TMEFF1: variants seen among roughly 807,000 people sequenced by gnomAD.
The protein encoded by TMEFF1 is tomoregulin-1.
Under a neutral mutation model 47.5 loss-of-function variants are expected in TMEFF1, and 20 were observed. The observed-to-expected ratio is 0.42, with a 90% CI of 0.30 to 0.61. The LOEUF (loss-of-function observed/expected upper bound fraction) is 0.61. Ranked by LOEUF, TMEFF1 falls within the 20% of genes least tolerant of loss-of-function variation. The probability of loss-of-function intolerance (pLI) is 0.19; values close to 1 mark genes in which losing one functional copy is unlikely to be tolerated. For synonymous variants in TMEFF1, 162 were observed against 166.3 expected, an observed-to-expected ratio of 0.97 and a Z score of 0.20; for missense variants, 411 against 471.1, an observed-to-expected ratio of 0.87 and a Z score of 1.18.
At chr9:100,507,227 A>G (rs1171953530) in intron 2 of TMEFF1, among the ~76,000 whole-genome samples, 2 of 152,114 alleles carry the variant, frequency 1.3e-5, no homozygotes, top group Non-Finnish European at 2.9e-5. Context: ...TCCTTGGTGT[A>G]TATATACCAC....
intron 6 of TMEFF1, among the ~76,000 whole-genome samples, chr9:100,549,730 G>T (rs1012764950): frequency 5.9e-5 from 9 of 152,110 alleles, no homozygotes; most frequent in Admixed American, 2.0e-4. Context: ...ATATTTCCAG[G>T]GTAACAGTGG....
At chr9:100,487,634 G>A (rs1448275466) in intron 1 of TMEFF1, among the ~76,000 whole-genome samples, 1 of 152,106 alleles carries the variant, frequency 6.6e-6, no homozygotes, top group African/African-American at 2.4e-5. Flanking sequence ...GGGGTTTCTG[G>A]TTATGGTAGT....
chr9:100,527,648 G>T (rs879553515), intron 5 of TMEFF1, among the ~76,000 whole-genome samples: 1 of 152,242 alleles, frequency 6.6e-6, no homozygotes, highest in Non-Finnish European at 1.5e-5. Context: ...CTGCAAGGCG[G>T]CAGCGAGGCT....
rs1027904919 is a variant in TMEFF1 at position 100,522,910 on chromosome 9, AT to A, written c.560+6148del. Among the ~76,000 whole-genome samples the A allele has an allele frequency of 8.7e-5, 13 of 149,258 alleles. 1 individual carries two copies. The highest frequency in any genetic ancestry group is 8.0e-4 in the Admixed American group (12 of 14,990). On this transcript the variant is annotated intron_variant, in intron 5 of 9. Transcript: ENST00000374879. The stretch of plus-strand genomic sequence containing the variant: ...CCACCACACCCAGCTAATTTTTTGT[AT>A]TTTTTTTTAGTAGGGATGGGGTTTC...
At chr9:100,570,193 A>G (rs1839206498) in intron 8 of TMEFF1, among the ~76,000 whole-genome samples, 1 of 152,240 alleles carries the variant, frequency 6.6e-6, no homozygotes, top group East Asian at 1.9e-4. Context: ...ATGGACACTT[A>G]GATTAAATCC....
intron 5 of TMEFF1, among the ~76,000 whole-genome samples, chr9:100,517,727 A>C (rs891969550): frequency 6.6e-6 from 1 of 152,214 alleles, no homozygotes; most frequent in Non-Finnish European, 1.5e-5. Flanking sequence ...TATTGGTCAC[A>C]TAGATTGACC....
intron 5 of TMEFF1, among the ~76,000 whole-genome samples, chr9:100,534,325 T>A (rs1215265391): frequency 6.6e-6 from 1 of 152,232 alleles, no homozygotes; most frequent in African/African-American, 2.4e-5. Flanking sequence ...TTAGATTTCC[T>A]TCATATTCAG....
At chr9:100,528,070 C>T (rs1369887360) in intron 5 of TMEFF1, among the ~76,000 whole-genome samples, 4 of 151,630 alleles carry the variant, frequency 2.6e-5, no homozygotes, top group African/African-American at 7.3e-5. Flanking sequence ...GAAAGGACAT[C>T]CACACCAAAA....
At position 100,509,100 on chromosome 9, in the gene TMEFF1, G is replaced by A. The variant is rs1423983447; in HGVS notation, c.402G>A (p.Glu134=). ...GGGCTGCTTGTAAGCACCAGAAAGA[G>A]ATAACAGTAATAGCAAGAGGACCAT... ...LRRAACKHQK[E]ITVIARGPCY... is the part of the protein sequence containing the mutation. Residue 134 remains glutamate, a synonymous_variant, in exon 3 of 10, where the codon GAG becomes GAA. Coordinates refer to ENST00000374879, the MANE Select transcript of TMEFF1 (RefSeq NM_003692.5). 5 of 1,594,500 alleles carry A rather than the reference G, an allele frequency of 3.1e-6. No homozygotes were observed. Among genetic ancestry groups the A allele is most frequent in the Non-Finnish European group, 4.3e-6 (5 of 1,172,098 alleles).
At chr9:100,537,609 A>G (rs1838543122) in intron 5 of TMEFF1, among the ~76,000 whole-genome samples, 1 of 152,236 alleles carries the variant, frequency 6.6e-6, no homozygotes, top group African/African-American at 2.4e-5. Flanking sequence ...TACTGCTGAG[A>G]GGAGCCCTGC....
chr9:100,541,679 T>C (rs1285614801), intron 5 of TMEFF1, among the ~76,000 whole-genome samples: 1 of 152,086 alleles, frequency 6.6e-6, no homozygotes, highest in African/African-American at 2.4e-5. Flanking sequence ...CCTGGCCAGA[T>C]TTGGCAATTT....
At chr9:100,497,320 CTTTTTT>C (rs752427622) in intron 1 of TMEFF1, among the ~76,000 whole-genome samples, 25 of 59,548 alleles carry the variant, frequency 4.2e-4, no homozygotes, top group African/African-American at 7.5e-4. Context: ...CCACTCATGT[CTTTTTT>C]TTTTTTTTTT....
Position 100,489,299 on chromosome 9 carries a change from C to T in TMEFF1, c.197-9466C>T, listed in dbSNP as rs558594101. 1.2e-4 allele frequency among the ~76,000 whole-genome samples: 18 copies of T among 152,138 alleles called. No individual in the cohort carries two copies. In the South Asian group the frequency reaches 2.7e-3, roughly 23 times the overall value. ...CATGGCTCACTGCAGCCTTGACCTC[C>T]GGCTCGTGATTCTCCTATGTCAGTC... On this transcript the variant is annotated intron_variant, in intron 1 of 9. Transcript: ENST00000374879.
intron 5 of TMEFF1, among the ~76,000 whole-genome samples, chr9:100,525,242 T>TG (rs1478756879): frequency 1.3e-5 from 2 of 152,088 alleles, no homozygotes; most frequent in Non-Finnish European, 2.9e-5. Flanking sequence ...AGTAACTACT[T>TG]GGAGTTAGCG....
chr9:100,525,559 C>T (rs933867879), intron 5 of TMEFF1, among the ~76,000 whole-genome samples: 5 of 151,262 alleles, frequency 3.3e-5, no homozygotes, highest in African/African-American at 7.3e-5. Flanking sequence ...CGGAAGCTCC[C>T]GAACCCCCCG....
chr9:100,561,915 G>A (rs530176178), intron 8 of TMEFF1, among the ~76,000 whole-genome samples: 1 of 152,216 alleles, frequency 6.6e-6, no homozygotes, highest in South Asian at 2.1e-4. Context: ...TAAGGGGATG[G>A]GGACGAAGAA....
intron 1 of TMEFF1, among the ~76,000 whole-genome samples, chr9:100,484,506 G>A (rs556070360): frequency 4.0e-4 from 61 of 151,792 alleles, no homozygotes; most frequent in Middle Eastern, 3.4e-3. Context: ...TTTAGTAGAG[G>A]CGGGGTTTTA....
intron 1 of TMEFF1, among the ~76,000 whole-genome samples, chr9:100,474,205 A>T (rs1367150137): frequency 7.2e-6 from 1 of 139,000 alleles, no homozygotes; most frequent in East Asian, 2.2e-4. Flanking sequence ...GGGAGTGACC[A>T]TGTGCTGATG....
rs192896073 is a variant in TMEFF1, at chr9:100,516,166, G to A, written c.464-509G>A. On this transcript the variant is annotated intron_variant, in intron 4 of 9. Coordinates refer to ENST00000374879, the MANE Select transcript of TMEFF1 (RefSeq NM_003692.5). ...AGACCCTTTTCCATTTTAAAATTTG[G>A]AGATAAGTATTTTTTTTTAAACTCT... 1.9e-4 allele frequency among the ~76,000 whole-genome samples: 29 copies of A among 152,222 alleles called. No individual in the cohort carries two copies. The East Asian group carries it at 5.6e-3, about 29-fold the overall frequency.
Sources: gnomAD v4.1 joint callset for allele counts (sites outside exome capture counted in the v4.1 genomes callset) on GRCh38, gnomAD v4.1.1 for gene constraint, MANE v1.5 for transcripts, NCBI Gene and HGNC (gene_info 2026-07-23, HGNC 2026-07-21) for gene names.